Variants in TAF1B observed in about 807,000 individuals in gnomAD.
The protein encoded by TAF1B is TATA box-binding protein-associated factor RNA polymerase I subunit B.
Under a neutral mutation model 83.9 loss-of-function variants are expected in TAF1B, and 61 were observed. The ratio of observed to expected loss-of-function variants is 0.73; its 90% CI spans 0.59 to 0.90. The LOEUF (loss-of-function observed/expected upper bound fraction) is 0.90. TAF1B is among the 40% of genes least tolerant of loss of function. The pLI is 0.00. For synonymous variants in TAF1B, 221 were observed against 224.6 expected (o/e 0.98, Z 0.14); for missense variants, 625 against 677.0 (o/e 0.92, Z 0.85).
At position 9,933,786 on chromosome 2, in the gene TAF1B, T is replaced by A. The variant is rs1293012301; in HGVS notation, c.1569T>A (p.Tyr523Ter). The A allele has an allele frequency of 6.2e-7, 1 of 1,606,962 alleles. No homozygotes were observed. The highest frequency in any genetic ancestry group is 1.3e-5 in the African/African-American group (1 of 74,498). ...CTTTTTTCTTTTTCCCTTCTAGCTATTGTACACATGTGACAACCTATGAAG... is the reference window on the plus strand; with the variant it reads ...CTTTTTTCTTTTTCCCTTCTAGCTAATGTACACATGTGACAACCTATGAAG... ...WLSTQKFCRC[Y>*]CTHVTTYEES... The change falls in exon 15 of 15, where the codon TAT becomes TAA. Residue 523 changes from tyrosine (Y) to a stop codon, truncating the protein, a stop_gained. Transcript: ENST00000263663. LOFTEE classifies it high-confidence loss of function.
At chr2:9,845,965 A>C (rs1311930675) in intron 2 of TAF1B, 4 of 416,686 alleles carry the variant, frequency 9.6e-6, no homozygotes, top group Non-Finnish European at 2.0e-5. Flanking sequence ...CCTGGGCAGC[A>C]GAGCAAGACT....
intron 8 of TAF1B, among the ~76,000 whole-genome samples, chr2:9,883,059 G>C (rs1399760440): frequency 1.3e-5 from 2 of 152,150 alleles, no homozygotes; most frequent in Non-Finnish European, 1.5e-5. Flanking sequence ...ATGTTGTTGA[G>C]ACTAAACTTG....
At chr2:9,903,620 G>T (rs1009062539) in intron 8 of TAF1B, among the ~76,000 whole-genome samples, 2 of 152,130 alleles carry the variant, frequency 1.3e-5, no homozygotes, top group Non-Finnish European at 1.5e-5. Flanking sequence ...TTGAATTGTG[G>T]ATTTTTAACT....
At chr2:9,892,190 C>G (rs1664891260) in intron 8 of TAF1B, among the ~76,000 whole-genome samples, 1 of 152,160 alleles carries the variant, frequency 6.6e-6, no homozygotes, top group Non-Finnish European at 1.5e-5. Context: ...CAGTTGCCTA[C>G]AGCATTCAGC....
At chr2:9,918,447 T>A (rs12992185) in intron 12 of TAF1B, among the ~76,000 whole-genome samples, 1 of 152,082 alleles carries the variant, frequency 6.6e-6, no homozygotes, top group Non-Finnish European at 1.5e-5. Context: ...CAATCCAGGA[T>A]CCCCATTTTA....
At chr2:9,868,188 T>G in intron 5 of TAF1B, 88 bp from the exon 6 acceptor site, 4 of 1,372,432 alleles carry the variant, frequency 2.9e-6, no homozygotes, top group East Asian at 2.5e-5. Context: ...TCTTTTAGGG[T>G]GTTTGTGATA....
chr2:9,874,034 A>G (rs1449177145), intron 6 of TAF1B, among the ~76,000 whole-genome samples: 1 of 152,108 alleles, frequency 6.6e-6, no homozygotes, highest in Non-Finnish European at 1.5e-5. Context: ...ATTCTACATA[A>G]TGTAGTTCTT....
rs745454778 is a variant in TAF1B, at chr2:9,854,339, A to G, written c.317A>G (p.His106Arg). The stretch of plus-strand genomic sequence containing the variant: ...CTTCCACCTTAGAACGATGTTTTAC[A>G]TAATTTTTGGAAGCGCTACCTTCAG... ...VGPELKNDVLHNFWKRYLQKS... is the reference protein window; with the variant it reads ...VGPELKNDVLRNFWKRYLQKS... Residue 106 changes from histidine to arginine, a missense_variant, in exon 5 of 15, where the codon CAT becomes CGT. Transcript: ENST00000263663. The G allele has an allele frequency of 2.9e-5, 47 of 1,613,866 alleles. No homozygotes were observed. Among genetic ancestry groups the G allele is most frequent in the Non-Finnish European group, 3.8e-5 (45 of 1,179,884 alleles).
intron 8 of TAF1B, among the ~76,000 whole-genome samples, chr2:9,884,877 C>T (rs903053673): frequency 6.6e-6 from 1 of 152,078 alleles, no homozygotes; most frequent in African/African-American, 2.4e-5. Context: ...CAGAGAGGAG[C>T]TTCCCACTCT....
intron 8 of TAF1B, among the ~76,000 whole-genome samples, chr2:9,897,845 G>T (rs1023299811): frequency 6.6e-6 from 1 of 152,096 alleles, no homozygotes; most frequent in Non-Finnish European, 1.5e-5. Context: ...AACCTGACAG[G>T]TTTCAAATCT....
chr2:9,877,844 C>T (rs1278064789), intron 7 of TAF1B, among the ~76,000 whole-genome samples: 1 of 150,540 alleles, frequency 6.6e-6, no homozygotes, highest in East Asian at 2.0e-4. Flanking sequence ...TCCCTCTTTT[C>T]TCCTCTCTCT....
intron 8 of TAF1B, among the ~76,000 whole-genome samples, chr2:9,893,532 G>T (rs1414739400): frequency 6.6e-6 from 1 of 152,126 alleles, no homozygotes; most frequent in African/African-American, 2.4e-5. Flanking sequence ...AGTGTGAAAG[G>T]CAAAGCTCAG....
chr2:9,864,259 AG>A (rs1483145818), intron 5 of TAF1B, among the ~76,000 whole-genome samples: 1 of 148,002 alleles, frequency 6.8e-6, no homozygotes, highest in Non-Finnish European at 1.5e-5. Flanking sequence ...AAAATGATAA[AG>A]GGAATATCAC....
intron 8 of TAF1B, among the ~76,000 whole-genome samples, chr2:9,903,463 A>T (rs1251039454): frequency 2.0e-5 from 3 of 152,226 alleles, no homozygotes; most frequent in Non-Finnish European, 4.4e-5. Flanking sequence ...GAATGTTTAT[A>T]AATTGCAAAA....
intron 8 of TAF1B, among the ~76,000 whole-genome samples, chr2:9,892,308 C>T (rs1350233355): frequency 6.6e-6 from 1 of 152,180 alleles, no homozygotes; most frequent in Non-Finnish European, 1.5e-5. Flanking sequence ...GTACACTCTT[C>T]ACACAATGAA....
At chr2:9,855,503 A>G (rs1388159449) in intron 5 of TAF1B, among the ~76,000 whole-genome samples, 3 of 151,920 alleles carry the variant, frequency 2.0e-5, no homozygotes, top group Non-Finnish European at 4.4e-5. Context: ...ACATAATGAG[A>G]CCCCAACTCT....
chr2:9,906,680 A>G (rs1243713898), intron 9 of TAF1B, among the ~76,000 whole-genome samples: 1 of 152,256 alleles, frequency 6.6e-6, no homozygotes, highest in Non-Finnish European at 1.5e-5. Context: ...AAATTACAAA[A>G]TTATGTATAA....
At chr2:9,919,007 C>T (rs772957465) in intron 12 of TAF1B, 34 bp from the exon 13 acceptor site, 16 of 1,557,518 alleles carry the variant, frequency 1.0e-5, no homozygotes, top group Non-Finnish European at 1.3e-5. Context: ...GTTTCATCTC[C>T]GTCCTGCTCC....
chr2:9,883,852 A>G (rs1356653055), intron 8 of TAF1B, among the ~76,000 whole-genome samples: 2 of 152,240 alleles, frequency 1.3e-5, no homozygotes, highest in Non-Finnish European at 2.9e-5. Context: ...TTATGCTATA[A>G]TATCAAAGGC....
Sources: allele counts gnomAD v4.1 joint callset (sites outside exome capture counted in the v4.1 genomes callset), GRCh38; gene constraint gnomAD v4.1.1; transcripts MANE v1.5; gene names NCBI Gene and HGNC (gene_info 2026-07-23, HGNC 2026-07-21).